The following MAGI2 variants were observed in gnomAD, a reference collection of about 807,000 sequenced individuals.
MAGI2 encodes membrane associated guanylate kinase, WW and PDZ domain containing 2.
MAGI2 carries 35 observed loss-of-function variants against 133.3 expected under a neutral mutation model. The ratio of observed to expected loss-of-function variants is 0.26; its 90% CI spans 0.20 to 0.35. The LOEUF (loss-of-function observed/expected upper bound fraction) is 0.35, where lower values mean the gene tolerates loss of function less well. Among genes scored for constraint, MAGI2 ranks in the 10% least tolerant of loss-of-function variants. The pLI, the probability that MAGI2 is intolerant of heterozygous loss-of-function variation, is 1.00. For missense variants in MAGI2, 1,636 were observed against 1,863.4 expected, an observed-to-expected ratio of 0.88 and a Z score of 2.25; for synonymous variants, 729 against 710.6, an observed-to-expected ratio of 1.03 and a Z score of -0.41.
At chr7:79,403,234 T>C (rs941619466) in intron 1 of MAGI2, among the ~76,000 whole-genome samples, 1 of 152,184 alleles carries the variant, frequency 6.6e-6, no homozygotes, top group Admixed American at 6.5e-5. Context: ...TTTGTTTTCA[T>C]GTATTCATTA....
In MAGI2 at chr7:79,258,776, C is replaced by T. The variant is rs1449721037; in HGVS notation, c.301+194244G>A. On this transcript the variant is annotated intron_variant, in intron 1 of 21. Coordinates refer to ENST00000354212, the MANE Select transcript of MAGI2 (RefSeq NM_012301.4). ...TCCCAAGAGGCTGGGACTATAGGCACATGCCTGCATGCTAGGCAAAAAAAA... is the reference window on the plus strand; with the variant it reads ...TCCCAAGAGGCTGGGACTATAGGCATATGCCTGCATGCTAGGCAAAAAAAA... 3.3e-5 allele frequency among the ~76,000 whole-genome samples: 5 copies of T among 152,210 alleles called. No individual in the cohort carries two copies. The East Asian group carries it at 7.7e-4, about 23-fold the overall frequency.
chr7:79,453,610 T>G lies in MAGI2; in HGVS notation c.-290A>C, dbSNP rs1333446510. ...AGCAGAGGAAGCAGTGGTGGTGGCG[T>G]CGGCGGCGGCGGCGGCGGCAGCCGG... On this transcript the variant is annotated 5_prime_UTR_variant, in exon 1 of 22. Transcript: ENST00000354212. 1.3e-5 allele frequency: 13 copies of G among 1,013,064 alleles called. No homozygotes were observed. The highest frequency in any genetic ancestry group is 1.2e-4 in the Admixed American group (2 of 16,930). The allele number at this position is 1,013,064 out of a possible 1,614,324, so 62.8% of individuals were successfully genotyped here. A position where few individuals can be genotyped will look rare whatever the true frequency, so the allele number is the denominator to read the frequency against.
intron 2 of MAGI2, among the ~76,000 whole-genome samples, chr7:78,772,715 T>C (rs1825689151): frequency 1.3e-5 from 2 of 152,192 alleles, no homozygotes; most frequent in African/African-American, 4.8e-5. Flanking sequence ...ATTTAAGCTT[T>C]TAAAATAAAT....
At chr7:79,386,202 A>G (rs1283787540) in intron 1 of MAGI2, among the ~76,000 whole-genome samples, 1 of 151,986 alleles carries the variant, frequency 6.6e-6, no homozygotes, top group Non-Finnish European at 1.5e-5. Context: ...TATTAACAAA[A>G]TGGTTATCTG....
At chr7:79,126,414 T>C (rs889397601) in intron 1 of MAGI2, among the ~76,000 whole-genome samples, 1 of 152,146 alleles carries the variant, frequency 6.6e-6, no homozygotes, top group Non-Finnish European at 1.5e-5. Context: ...CCAAGGCTGC[T>C]TGGTGTGAAC....
chr7:78,193,902 C>T (rs541855232), intron 12 of MAGI2, among the ~76,000 whole-genome samples: 4 of 152,310 alleles, frequency 2.6e-5, no homozygotes, highest in African/African-American at 9.6e-5. Context: ...TGTCTGCTTT[C>T]CCCTTTACCA....
intron 1 of MAGI2, among the ~76,000 whole-genome samples, chr7:79,134,845 G>A (rs1821233667): frequency 6.6e-6 from 1 of 152,200 alleles, no homozygotes. Context: ...ATTTTCAATA[G>A]AAGGCTTTGA....
At chr7:78,048,661 C>T (rs1437145745) in intron 21 of MAGI2, among the ~76,000 whole-genome samples, 1 of 152,148 alleles carries the variant, frequency 6.6e-6, no homozygotes, top group Non-Finnish European at 1.5e-5. Flanking sequence ...TGGACTTTCA[C>T]TTCATACTGT....
At chr7:78,093,597 G>A (rs115521542) in intron 20 of MAGI2, among the ~76,000 whole-genome samples, 180 of 152,298 alleles carry the variant, frequency 1.2e-3, no homozygotes, top group African/African-American at 4.1e-3. Context: ...TATAAGAGGC[G>A]CCCTCCATGT....
intron 2 of MAGI2, among the ~76,000 whole-genome samples, chr7:78,778,907 T>C (rs1414601729): frequency 1.4e-5 from 2 of 141,302 alleles, no homozygotes; most frequent in East Asian, 2.0e-4. Context: ...TTTCAGCCTT[T>C]TTTTTTTTTT....
At chr7:79,224,049 G>C (rs531113058) in intron 1 of MAGI2, among the ~76,000 whole-genome samples, 1 of 152,088 alleles carries the variant, frequency 6.6e-6, no homozygotes, top group African/African-American at 2.4e-5. Context: ...CAGTATTCTT[G>C]GCTAATAACA....
chr7:78,881,953 A>C (rs927511005), intron 2 of MAGI2, among the ~76,000 whole-genome samples: 2 of 151,502 alleles, frequency 1.3e-5, no homozygotes, highest in African/African-American at 4.8e-5. Context: ...AACAAAACTA[A>C]AATCAGAGCA....
In MAGI2 at chr7:78,018,441, G is replaced by C. The variant is rs1807961918; in HGVS notation, c.*874C>G. 6.6e-6 allele frequency: 1 copy of C among 152,228 alleles called. No homozygotes were observed. The highest frequency in any genetic ancestry group is 2.4e-5 in the African/African-American group (1 of 41,444). 9.4% of individuals were successfully genotyped at this position (152,228 alleles called of 1,614,324 possible). On this transcript the variant is annotated 3_prime_UTR_variant, in exon 22 of 22. Coordinates refer to ENST00000354212, the MANE Select transcript of MAGI2 (RefSeq NM_012301.4). ...GACGACAGAAAAGCCTCTTCATAAAGGAACTGCAGCGTTGCCTATCTTGAT... is the reference window on the plus strand; with the variant it reads ...GACGACAGAAAAGCCTCTTCATAAACGAACTGCAGCGTTGCCTATCTTGAT...
intron 21 of MAGI2, among the ~76,000 whole-genome samples, chr7:78,040,457 C>T (rs544064789): frequency 1.3e-5 from 2 of 152,300 alleles, no homozygotes. Flanking sequence ...CCGGCTCAGC[C>T]CAGGGTCAGG....
rs140185877 is a variant in MAGI2 at position 78,734,963 on chromosome 7, G to C, written c.419-107724C>G. Among the ~76,000 whole-genome samples, 313 of 152,292 alleles carry C rather than the reference G, an allele frequency of 2.1e-3. 3 individuals carry two copies. The highest frequency in any genetic ancestry group is 7.2e-3 in the African/African-American group (300 of 41,572). On this transcript the variant is annotated intron_variant, in intron 2 of 21. Coordinates refer to ENST00000354212, the MANE Select transcript of MAGI2 (RefSeq NM_012301.4). ...GAGATTTTTGTGATTGTCTGTTACA[G>C]AGCAGCAAAATCTAACTGATACATA...
chr7:78,253,338 T>A (rs911380571), intron 10 of MAGI2: 1 of 152,116 alleles, frequency 6.6e-6, no homozygotes, highest in Non-Finnish European at 1.5e-5. Flanking sequence ...TATGAAAAAA[T>A]TATAGAAAGA....
At chr7:78,784,681 AC>A (rs1826664150) in intron 2 of MAGI2, among the ~76,000 whole-genome samples, 1 of 152,054 alleles carries the variant, frequency 6.6e-6, no homozygotes, top group Admixed American at 6.6e-5. Flanking sequence ...GTTAGATCAT[AC>A]TCTTTTTGTC....
At chr7:79,374,001 G>C (rs908403333) in intron 1 of MAGI2, among the ~76,000 whole-genome samples, 2 of 151,918 alleles carry the variant, frequency 1.3e-5, no homozygotes, top group African/African-American at 4.8e-5. Context: ...AATTTAAGCT[G>C]TATCTACTAA....
chr7:79,128,642 G>C (rs1026717235), intron 1 of MAGI2, among the ~76,000 whole-genome samples: 6 of 152,104 alleles, frequency 3.9e-5, no homozygotes, highest in African/African-American at 1.4e-4. Context: ...CTCTGAAAAT[G>C]CAAGGACACA....
Sources: gnomAD v4.1 joint callset for allele counts (sites outside exome capture counted in the v4.1 genomes callset) on GRCh38, gnomAD v4.1.1 for gene constraint, MANE v1.5 for transcripts, NCBI Gene and HGNC (gene_info 2026-07-23, HGNC 2026-07-21) for gene names.